Variants in CEP85 observed in about 807,000 individuals in gnomAD.
CEP85 encodes centrosomal protein 85, also known as centrosomal protein of 85 kDa.
In CEP85, 58 loss-of-function variants were observed where a neutral mutation model predicts 93.7. The ratio of observed to expected loss-of-function variants is 0.62; its 90% CI spans 0.50 to 0.77. The LOEUF is 0.77. CEP85 is among the 30% of genes least tolerant of loss of function. CEP85 has a pLI of 0.00. For missense variants in CEP85, 868 were observed against 922.0 expected, an observed-to-expected ratio of 0.94 and a Z score of 0.76; for synonymous variants, 314 against 338.6, an observed-to-expected ratio of 0.93 and a Z score of 0.80.
chr1:26,258,344 A>G (rs1360368158), intron 6 of CEP85, 84 bp downstream of exon 6: 4 of 874,452 alleles, frequency 4.6e-6, no homozygotes, highest in Middle Eastern at 2.2e-4. Flanking sequence ...TATCCAGGAG[A>G]TAGAAAAGAG....
chr1:26,269,037 C>T (rs1211326886), intron 8 of CEP85, among the ~76,000 whole-genome samples: 1 of 152,180 alleles, frequency 6.6e-6, no homozygotes, highest in Non-Finnish European at 1.5e-5. Flanking sequence ...TCCCGGTCAC[C>T]TGCTTTGACC....
intron 3 of CEP85, among the ~76,000 whole-genome samples, chr1:26,247,522 C>T (rs2089529774): frequency 6.6e-6 from 1 of 151,598 alleles, no homozygotes; most frequent in Non-Finnish European, 1.5e-5. Flanking sequence ...CACTTGAGCC[C>T]ACGAGTTTGA....
At chr1:26,254,249 A>G (rs2089661963) in intron 3 of CEP85, among the ~76,000 whole-genome samples, 1 of 152,182 alleles carries the variant, frequency 6.6e-6, no homozygotes, top group Non-Finnish European at 1.5e-5. Flanking sequence ...TGAAAGCAAT[A>G]AGTATGTTAC....
In CEP85 at chr1:26,277,468, A is replaced by T; in HGVS notation, c.*175A>T. 1.7e-6 allele frequency: 1 copy of T among 585,344 alleles called. No homozygotes were observed. Among genetic ancestry groups the T allele is most frequent in the Non-Finnish European group, 3.1e-6 (1 of 323,572 alleles). 36.3% of individuals were successfully genotyped at this position (585,344 alleles called of 1,614,324 possible). On this transcript the variant is annotated 3_prime_UTR_variant, in exon 14 of 14. Coordinates refer to ENST00000451429, the MANE Select transcript of CEP85 (RefSeq NM_001319944.2). ...GGAACTGTGTCCTACCCACACTGGC[A>T]TGTTGGATTACGTTTGTCCTGTTAA...
chr1:26,251,258 T>TG (rs1308153034), intron 3 of CEP85, among the ~76,000 whole-genome samples: 51 of 108,562 alleles, frequency 4.7e-4, no homozygotes, highest in Admixed American at 5.9e-4. Flanking sequence ...TTGGTTTTTT[T>TG]TTTTTTTTTT....
intron 3 of CEP85, chr1:26,254,938 A>G: frequency 1.8e-6 from 1 of 556,830 alleles, no homozygotes; most frequent in Non-Finnish European, 3.2e-6. Context: ...ACAAAGGACT[A>G]AGTTAAAAGT....
At position 26,277,248 on chromosome 1, in the gene CEP85, A is replaced by C. The variant is rs2090067284; in HGVS notation, c.2241A>C (p.Ser747=). 6.2e-7 allele frequency: 1 copy of C among 1,614,074 alleles called. No individual in the cohort carries two copies. Among genetic ancestry groups the C allele is most frequent in the African/African-American group, 1.3e-5 (1 of 74,944 alleles). ...TTGAGGACTTAAGGACCACCATGTC[A>C]GACAGATATGCCCAGGACATGGGAG... ...RDIEDLRTTM[S]DRYAQDMGEN... Residue 747 remains serine (S), a synonymous_variant, in exon 14 of 14, where the codon TCA becomes TCC. Transcript: ENST00000451429.
Position 26,277,462 on chromosome 1 carries a change from A to G in CEP85, c.*169A>G. 3.4e-6 allele frequency: 2 copies of G among 594,978 alleles called. No individual in the cohort carries two copies. Among genetic ancestry groups the G allele is most frequent in the Non-Finnish European group, 6.1e-6 (2 of 330,364 alleles). The allele number at this position is 594,978 out of a possible 1,614,324, so 36.9% of individuals were successfully genotyped here. A position where few individuals can be genotyped will look rare whatever the true frequency, so the allele number is the denominator to read the frequency against. On this transcript the variant is annotated 3_prime_UTR_variant, in exon 14 of 14. Coordinates refer to ENST00000451429, the MANE Select transcript of CEP85 (RefSeq NM_001319944.2). The stretch of plus-strand genomic sequence containing the variant: ...GATTAGGGAACTGTGTCCTACCCAC[A>G]CTGGCATGTTGGATTACGTTTGTCC...
chr1:26,262,062 CT>C (rs1209543858), intron 7 of CEP85, among the ~76,000 whole-genome samples: 1 of 152,114 alleles, frequency 6.6e-6, no homozygotes, highest in African/African-American at 2.4e-5. Flanking sequence ...AATCCCAACA[CT>C]TTGGGAGGCT....
At chr1:26,241,446 A>T (rs28396236) in intron 2 of CEP85, among the ~76,000 whole-genome samples, 4 of 151,670 alleles carry the variant, frequency 2.6e-5, no homozygotes. Flanking sequence ...GGGTTTCACC[A>T]TGTTAGCCAG....
intron 12 of CEP85, 121 bp from the exon 13 acceptor site, chr1:26,276,414 G>A: frequency 4.0e-6 from 3 of 743,616 alleles, no homozygotes; most frequent in Admixed American, 2.2e-5. Flanking sequence ...CAGGGGTAGG[G>A]TTGGGGAAGG....
rs772433292 is a variant in CEP85 at position 26,271,112 on chromosome 1, C to G, written c.1743+5C>G. 6.3e-7 allele frequency: 1 copy of G among 1,584,066 alleles called. No homozygotes were observed. Among genetic ancestry groups the G allele is most frequent in the South Asian group, 1.1e-5 (1 of 90,472 alleles). On this transcript the variant is annotated splice_donor_5th_base_variant and intron_variant, in intron 10 of 13. Coordinates refer to ENST00000451429, the MANE Select transcript of CEP85 (RefSeq NM_001319944.2). ...CGATACGATTCGCTCCAAAAGGTGA[C>G]TGAGGGTGTCCAGGCTGTAACGGAG...
chr1:26,256,839 C>T (rs1342989025), intron 4 of CEP85, among the ~76,000 whole-genome samples: 2 of 151,466 alleles, frequency 1.3e-5, no homozygotes, highest in African/African-American at 2.4e-5. Flanking sequence ...CCTTGTGATC[C>T]GCCCGCCTCA....
chr1:26,267,774 A>T (rs1177962848), intron 7 of CEP85, among the ~76,000 whole-genome samples: 1 of 151,962 alleles, frequency 6.6e-6, no homozygotes, highest in Non-Finnish European at 1.5e-5. Context: ...GCATGATTGA[A>T]CTCAATCACC....
chr1:26,256,487 C>T (rs941347807), intron 4 of CEP85, among the ~76,000 whole-genome samples: 5 of 151,720 alleles, frequency 3.3e-5, no homozygotes, highest in Admixed American at 3.3e-4. Flanking sequence ...GCCGAGACTG[C>T]GCCATTGCAC....
At position 26,255,459 on chromosome 1, in the gene CEP85, C is replaced by T. The variant is rs761634960; in HGVS notation, c.497C>T (p.Pro166Leu). ...GENGIEQSWF[P>L]AVGHERQEEA... is the part of the protein sequence containing the mutation. ...AATGGAATTGAGCAGTCCTGGTTTC[C>T]AGCAGTGGGCCATGAAAGACAAGAA... Residue 166 changes from proline to leucine, a missense_variant, in exon 4 of 14, where the codon CCA becomes CTA. Coordinates refer to ENST00000451429, the MANE Select transcript of CEP85 (RefSeq NM_001319944.2). 7 of 1,614,078 alleles carry T rather than the reference C, an allele frequency of 4.3e-6. No homozygotes were observed. In the Admixed American group the frequency reaches 1.2e-4, roughly 27 times the overall value.
intron 3 of CEP85, among the ~76,000 whole-genome samples, chr1:26,249,019 C>A (rs934019841): frequency 3.3e-5 from 5 of 152,174 alleles, no homozygotes; most frequent in African/African-American, 4.8e-5. Context: ...AGCCACCACG[C>A]CCAGGCCTAG....
intron 6 of CEP85, among the ~76,000 whole-genome samples, chr1:26,258,643 C>T (rs1218140406): frequency 6.6e-6 from 1 of 151,878 alleles, no homozygotes; most frequent in African/African-American, 2.4e-5. Context: ...GTCACCCAGG[C>T]TGGAGTGCAG....
At chr1:26,271,413 A>G in intron 10 of CEP85, 1 of 248,176 alleles carries the variant, frequency 4.0e-6, no homozygotes, top group Non-Finnish European at 7.9e-6. Context: ...TTCATGGCTC[A>G]GGCCCATACA....
Sources: gnomAD v4.1 joint callset for allele counts (sites outside exome capture counted in the v4.1 genomes callset) on GRCh38, gnomAD v4.1.1 for gene constraint, MANE v1.5 for transcripts, NCBI Gene and HGNC (gene_info 2026-07-23, HGNC 2026-07-21) for gene names.